CSMD3: variants seen among roughly 807,000 people sequenced by gnomAD.
CSMD3 encodes CUB and Sushi multiple domains 3.
In CSMD3, 177 loss-of-function variants were observed where a neutral mutation model predicts 435.2. That is an observed-to-expected ratio of 0.41 (90% confidence interval 0.36 to 0.46). CSMD3 has a LOEUF of 0.46. CSMD3 is among the 20% of genes least tolerant of loss of function. CSMD3 has a pLI of 0.34. For synonymous variants in CSMD3, 1,656 were observed against 1,520.5 expected (o/e 1.09, Z -2.07); for missense variants, 4,265 against 4,504.6 (o/e 0.95, Z 1.52).
At chr8:113,029,484 T>A (rs1435690798) in intron 5 of CSMD3, among the ~76,000 whole-genome samples, 2 of 151,592 alleles carry the variant, frequency 1.3e-5, no homozygotes, top group African/African-American at 4.8e-5. Context: ...TGCAAGTCAA[T>A]AAATGTGATA....
intron 9 of CSMD3, among the ~76,000 whole-genome samples, chr8:112,932,791 A>C (rs1033553146): frequency 3.9e-5 from 6 of 152,264 alleles, no homozygotes; most frequent in Admixed American, 3.9e-4. Context: ...ACTATAGTTA[A>C]CAAGATATTG....
At chr8:113,434,821 C>T (rs920753487) in intron 1 of CSMD3, among the ~76,000 whole-genome samples, 13 of 152,274 alleles carry the variant, frequency 8.5e-5, no homozygotes, top group Middle Eastern at 3.4e-3. Flanking sequence ...TAATTGCAGG[C>T]GGCGCGGATC....
chr8:112,426,265 CT>C (rs545595338), intron 32 of CSMD3, among the ~76,000 whole-genome samples: 3 of 151,848 alleles, frequency 2.0e-5, no homozygotes, highest in East Asian at 1.9e-4. Flanking sequence ...AGGGTGAAAA[CT>C]TTTTTTTAAG....
intron 13 of CSMD3, among the ~76,000 whole-genome samples, chr8:112,752,414 T>C (rs1286596392): frequency 1.3e-5 from 2 of 152,204 alleles, no homozygotes; most frequent in East Asian, 1.9e-4. Flanking sequence ...ATTCTAAATG[T>C]CTCTCCTACC....
At chr8:113,187,148 T>TC (rs1554802016) in intron 3 of CSMD3, among the ~76,000 whole-genome samples, 2 of 151,456 alleles carry the variant, frequency 1.3e-5, no homozygotes, top group African/African-American at 2.4e-5. Context: ...AGTTTTTTTT[T>TC]TTCTTCTTCT....
At chr8:112,871,007 T>C (rs760698299) in intron 10 of CSMD3, among the ~76,000 whole-genome samples, 18 of 152,268 alleles carry the variant, frequency 1.2e-4, no homozygotes, top group Non-Finnish European at 2.5e-4. Context: ...CTGCAGCTCA[T>C]GTAGAAATGA....
intron 4 of CSMD3, among the ~76,000 whole-genome samples, chr8:113,099,492 AT>A (rs2090268462): frequency 6.6e-6 from 1 of 152,140 alleles, no homozygotes; most frequent in African/African-American, 2.4e-5. Flanking sequence ...TCAAATAAAA[AT>A]ATATCACATA....
chr8:112,593,859 C>T (rs572537832), intron 22 of CSMD3, among the ~76,000 whole-genome samples: 1 of 152,192 alleles, frequency 6.6e-6, no homozygotes, highest in South Asian at 2.1e-4. Flanking sequence ...ATAATATTGT[C>T]TGTAAAGGGT....
chr8:112,770,839 A>T (rs865896913), intron 13 of CSMD3, among the ~76,000 whole-genome samples: 1 of 152,058 alleles, frequency 6.6e-6, no homozygotes, highest in Non-Finnish European at 1.5e-5. Context: ...GATTTTACCT[A>T]TAACAGCTAT....
intron 5 of CSMD3, among the ~76,000 whole-genome samples, chr8:113,027,565 T>A (rs2086920818): frequency 6.6e-6 from 1 of 152,102 alleles, no homozygotes; most frequent in African/African-American, 2.4e-5. Flanking sequence ...TCACTGGACA[T>A]CAGGACACAG....
At chr8:112,296,072 T>A (rs2130718079) in intron 53 of CSMD3, 66 bp from the exon 54 acceptor site, 5 of 1,256,310 alleles carry the variant, frequency 4.0e-6, no homozygotes, top group Non-Finnish European at 5.7e-6. Context: ...TTTATATACA[T>A]GTGGAACATG....
intron 2 of CSMD3, among the ~76,000 whole-genome samples, chr8:113,297,634 T>C (rs2093732580): frequency 6.6e-6 from 1 of 152,092 alleles, no homozygotes; most frequent in Non-Finnish European, 1.5e-5. Flanking sequence ...ATCATAATAG[T>C]ATTATGTTAA....
At chr8:112,399,949 C>T (rs879916359) in intron 35 of CSMD3, among the ~76,000 whole-genome samples, 7 of 152,224 alleles carry the variant, frequency 4.6e-5, no homozygotes, top group Admixed American at 1.3e-4. Context: ...CAGAATTTCC[C>T]GTTACAGTTC....
intron 4 of CSMD3, among the ~76,000 whole-genome samples, chr8:113,105,919 G>A (rs79866446): frequency 2.1e-3 from 319 of 151,890 alleles, no homozygotes; most frequent in East Asian, 0.012. Context: ...TAAACATAAA[G>A]ATGTGACTCA....
intron 4 of CSMD3, among the ~76,000 whole-genome samples, chr8:113,158,182 CA>C (rs59666468): frequency 0.12 from 14,785 of 122,478 alleles, 851 homozygotes; most frequent in Middle Eastern, 0.19. Flanking sequence ...AGTTCCAGAC[CA>C]AAAAAAAAAA....
At chr8:113,264,412 A>T (rs2093451464) in intron 3 of CSMD3, among the ~76,000 whole-genome samples, 2 of 151,068 alleles carry the variant, frequency 1.3e-5, no homozygotes, top group African/African-American at 4.8e-5. Context: ...ATATATATAT[A>T]TATATGAAGG....
intron 64 of CSMD3, 47 bp from the exon 65 acceptor site, chr8:112,244,620 A>C (rs1166290624): frequency 1.8e-5 from 27 of 1,540,224 alleles, no homozygotes; most frequent in Middle Eastern, 1.7e-4. Context: ...AGATATGTTA[A>C]GAAAAATTTG....
At chr8:112,531,936 A>G (rs1825579335) in intron 27 of CSMD3, among the ~76,000 whole-genome samples, 1 of 152,116 alleles carries the variant, frequency 6.6e-6, no homozygotes, top group Admixed American at 6.6e-5. Flanking sequence ...TGGTGCATTC[A>G]AAATAGCTAA....
intron 6 of CSMD3, among the ~76,000 whole-genome samples, chr8:113,011,012 G>A (rs908621523): frequency 1.3e-5 from 2 of 151,498 alleles, no homozygotes; most frequent in Non-Finnish European, 3.0e-5. Flanking sequence ...CTGATTTTAA[G>A]TAATTATTTT....
Sources: gnomAD v4.1 joint callset for allele counts (sites outside exome capture counted in the v4.1 genomes callset) on GRCh38, gnomAD v4.1.1 for gene constraint, MANE v1.5 for transcripts, NCBI Gene and HGNC (gene_info 2026-07-23, HGNC 2026-07-21) for gene names.